The following LIN9 variants were observed in gnomAD, a reference collection of about 807,000 sequenced individuals.
LIN9 encodes protein lin-9 homolog.
LIN9 carries 18 observed loss-of-function variants against 78.0 expected under a neutral mutation model. The ratio of observed to expected loss-of-function variants is 0.23; its 90% CI spans 0.16 to 0.34. The LOEUF (loss-of-function observed/expected upper bound fraction) is 0.34, where lower values mean the gene tolerates loss of function less well. Ranked by LOEUF, LIN9 falls within the 10% of genes least tolerant of loss-of-function variation. The pLI, the probability that LIN9 is intolerant of heterozygous loss-of-function variation, is 1.00. For missense variants in LIN9, 451 were observed against 644.1 expected, an observed-to-expected ratio of 0.70 and a Z score of 3.25; for synonymous variants, 192 against 215.2, an observed-to-expected ratio of 0.89 and a Z score of 0.94.
At position 226,265,149 on chromosome 1, in the gene LIN9, C is replaced by T. The variant is rs902972826; in HGVS notation, c.1038+384G>A. On this transcript the variant is annotated intron_variant, in intron 10 of 14. Transcript: ENST00000681046. This position sits in a 1 kb window ranked among gnomAD's most constrained non-coding sequence, Gnocchi z 4.1. ...TGAAAAGAAATAAAATTTCTTCTAA[C>T]CATATAAGCTAGCCAGGACATCATA... Among the ~76,000 whole-genome samples, 1 of 152,238 alleles carries T rather than the reference C, an allele frequency of 6.6e-6. No homozygotes were observed. The highest frequency in any genetic ancestry group is 1.5e-5 in the Non-Finnish European group (1 of 68,014).
chr1:226,278,105 C>T (rs1660785031), intron 6 of LIN9, among the ~76,000 whole-genome samples, 173 bp from the exon 7 acceptor site: 1 of 151,952 alleles, frequency 6.6e-6, no homozygotes, highest in African/African-American at 2.4e-5. Context: ...ATTCTGGGCT[C>T]CACCTCCTGG....
intron 4 of LIN9, among the ~76,000 whole-genome samples, chr1:226,293,858 C>T (rs1661949529): frequency 6.6e-6 from 1 of 152,216 alleles, no homozygotes; most frequent in Admixed American, 6.5e-5. Flanking sequence ...TGCTTATGTG[C>T]ACTTGTCCTT....
At chr1:226,290,843 G>A (rs950063517) in intron 4 of LIN9, among the ~76,000 whole-genome samples, 3 of 151,214 alleles carry the variant, frequency 2.0e-5, no homozygotes, top group Non-Finnish European at 3.0e-5. Flanking sequence ...TGCAGCCTTC[G>A]CCTCCCAGGT....
intron 11 of LIN9, among the ~76,000 whole-genome samples, chr1:226,239,813 T>C (rs1419809515): frequency 6.6e-6 from 1 of 152,250 alleles, no homozygotes; most frequent in Admixed American, 6.5e-5. Flanking sequence ...TGCCATTTCC[T>C]TCCCTCTCTT....
At chr1:226,288,820 A>G (rs1292478027) in intron 4 of LIN9, among the ~76,000 whole-genome samples, 1 of 152,234 alleles carries the variant, frequency 6.6e-6, no homozygotes, top group Non-Finnish European at 1.5e-5. Context: ...TGTTACCTAT[A>G]TATATCATTT....
At chr1:226,264,037 C>G (rs1411207612) in intron 10 of LIN9, among the ~76,000 whole-genome samples, 3 of 151,912 alleles carry the variant, frequency 2.0e-5, no homozygotes, top group African/African-American at 7.3e-5. Flanking sequence ...AATGGCACCC[C>G]TGTACTCCAG....
At chr1:226,307,717 T>C (rs1016875251) in intron 1 of LIN9, among the ~76,000 whole-genome samples, 6 of 152,250 alleles carry the variant, frequency 3.9e-5, no homozygotes, top group African/African-American at 1.4e-4. Context: ...TCAATAGCTG[T>C]GCCCTACCCA....
In LIN9 at chr1:226,288,062, C is replaced by T. The variant is rs532634697; in HGVS notation, c.265-265G>A. ...TCTCGGCTCACTGCAACCTCTGCCT[C>T]CCGGGTTCAAGCTACTCTCTTGTCT... On this transcript the variant is annotated intron_variant, in intron 4 of 14. Coordinates refer to ENST00000681046, the MANE Select transcript of LIN9 (RefSeq NM_001366245.2). Among the ~76,000 whole-genome samples, 7 of 152,154 alleles carry T rather than the reference C, an allele frequency of 4.6e-5. No individual in the cohort carries two copies. The East Asian group carries it at 1.4e-3, about 29-fold the overall frequency.
intron 2 of LIN9, among the ~76,000 whole-genome samples, chr1:226,300,483 C>T (rs528061229): frequency 7.2e-5 from 11 of 152,112 alleles, no homozygotes; most frequent in Non-Finnish European, 1.6e-4. Context: ...CCCAGGAGGT[C>T]GAGGCTACAG....
intron 10 of LIN9, among the ~76,000 whole-genome samples, chr1:226,259,020 G>A (rs1224918171): frequency 1.4e-5 from 2 of 141,888 alleles, no homozygotes; most frequent in East Asian, 4.2e-4. Flanking sequence ...ACCCAGGCCA[G>A]AGGGCAGTGT....
chr1:226,298,831 G>A (rs1051602829), intron 2 of LIN9, among the ~76,000 whole-genome samples: 5 of 152,044 alleles, frequency 3.3e-5, no homozygotes, highest in African/African-American at 7.3e-5. Flanking sequence ...AGCCAGGGTC[G>A]AAGCAAGCCG....
At chr1:226,248,881 T>A (rs1378196574) in intron 11 of LIN9, among the ~76,000 whole-genome samples, 1 of 152,134 alleles carries the variant, frequency 6.6e-6, no homozygotes, top group Non-Finnish European at 1.5e-5. Flanking sequence ...AAACAAATAA[T>A]AAAACATATC....
intron 1 of LIN9, among the ~76,000 whole-genome samples, chr1:226,305,321 A>G (rs1042903840): frequency 4.0e-5 from 6 of 148,316 alleles, no homozygotes; most frequent in African/African-American, 1.2e-4. Flanking sequence ...AAAAGAAAAA[A>G]AAAAAAAAAA....
chr1:226,308,387 G>T (rs372149323), intron 1 of LIN9, among the ~76,000 whole-genome samples: 3 of 152,188 alleles, frequency 2.0e-5, no homozygotes, highest in Admixed American at 1.3e-4. Flanking sequence ...TCACATCCAT[G>T]CATAAAGGTA....
chr1:226,252,826 G>A (rs1421846108), intron 10 of LIN9, among the ~76,000 whole-genome samples: 1 of 152,082 alleles, frequency 6.6e-6, no homozygotes, highest in Non-Finnish European at 1.5e-5. Context: ...AATTAGCAGT[G>A]CGTGGTGGTG....
At chr1:226,292,973 C>A (rs769855286) in intron 4 of LIN9, among the ~76,000 whole-genome samples, 1 of 152,026 alleles carries the variant, frequency 6.6e-6, no homozygotes, top group Non-Finnish European at 1.5e-5. Context: ...AAGATTAAAT[C>A]AAAGTAATAC....
chr1:226,245,422 C>CGT, intron 11 of LIN9, among the ~76,000 whole-genome samples: 1 of 143,646 alleles, frequency 7.0e-6, no homozygotes, highest in Non-Finnish European at 1.5e-5. Flanking sequence ...ACATACTTGT[C>CGT]TTTTTTCCCC....
intron 6 of LIN9, among the ~76,000 whole-genome samples, chr1:226,285,506 C>T (rs975119069): frequency 3.9e-5 from 6 of 152,056 alleles, no homozygotes; most frequent in Non-Finnish European, 7.4e-5. Flanking sequence ...TGAACTTTCC[C>T]ACCATTTAAA....
At chr1:226,233,009 T>A in intron 14 of LIN9, 87 bp downstream of exon 14, 1 of 773,188 alleles carries the variant, frequency 1.3e-6, no homozygotes, top group Non-Finnish European at 2.1e-6. Flanking sequence ...TATGAGTACT[T>A]CACAAATATG....
Sources: allele counts gnomAD v4.1 joint callset (sites outside exome capture counted in the v4.1 genomes callset), GRCh38; gene constraint gnomAD v4.1.1; non-coding constraint Gnocchi (gnomAD v3.1); transcripts MANE v1.5; gene names NCBI Gene and HGNC (gene_info 2026-07-23, HGNC 2026-07-21).